Variants in LATS2 observed in about 807,000 individuals in gnomAD.
LATS2 encodes large tumor suppressor kinase 2, also known as serine/threonine-protein kinase LATS2.
LATS2 carries 24 observed loss-of-function variants against 76.0 expected under a neutral mutation model. The observed-to-expected ratio is 0.32, with a 90% CI of 0.23 to 0.44. The LOEUF (loss-of-function observed/expected upper bound fraction) is 0.44, where lower values mean the gene tolerates loss of function less well. Among genes scored for constraint, LATS2 ranks in the 20% least tolerant of loss-of-function variants. LATS2 has a pLI of 1.00. For missense variants in LATS2, 1,286 were observed against 1,481.2 expected (o/e 0.87, Z 2.16); for synonymous variants, 692 against 635.4 (o/e 1.09, Z -1.34).
intron 1 of LATS2, among the ~76,000 whole-genome samples, chr13:21,054,423 T>TTATA (rs1307773735): frequency 3.3e-5 from 5 of 151,832 alleles, no homozygotes; most frequent in Non-Finnish European, 5.9e-5. Flanking sequence ...GAAAAAAAAT[T>TTATA]TAAATAAATA....
chr13:21,005,977 G>C lies in LATS2; in HGVS notation c.343-14573C>G, dbSNP rs550765751. ...AAAAATACAAAATTAGCCGGGAGTG[G>C]TGGCGCATGTCTGTAATCGAGTGGT... On this transcript the variant is annotated intron_variant, in intron 2 of 7. Transcript: ENST00000382592. Among the ~76,000 whole-genome samples, 79 of 151,892 alleles carry C rather than the reference G, an allele frequency of 5.2e-4. 1 individual carries two copies. Among genetic ancestry groups the C allele is most frequent in the African/African-American group, 1.9e-3 (78 of 41,424 alleles).
At chr13:21,041,264 G>A (rs1289243027) in intron 2 of LATS2, among the ~76,000 whole-genome samples, 3 of 151,948 alleles carry the variant, frequency 2.0e-5, no homozygotes, top group Non-Finnish European at 4.4e-5. Flanking sequence ...GAGCCACCGC[G>A]CCTGGCCCAC....
intron 1 of LATS2, among the ~76,000 whole-genome samples, chr13:21,055,930 C>T (rs919928645): frequency 6.6e-6 from 1 of 152,222 alleles, no homozygotes; most frequent in Non-Finnish European, 1.5e-5. Flanking sequence ...AGCCAGGAAG[C>T]CACAGGCCAA....
chr13:20,999,148 G>A (rs574406084), intron 2 of LATS2, among the ~76,000 whole-genome samples: 2 of 152,386 alleles, frequency 1.3e-5, no homozygotes, highest in East Asian at 3.9e-4. Flanking sequence ...GAGGACAAAT[G>A]GAAGTAGTGG....
At chr13:21,048,586 C>T (rs1565965895) in intron 1 of LATS2, among the ~76,000 whole-genome samples, 1 of 152,154 alleles carries the variant, frequency 6.6e-6, no homozygotes. Flanking sequence ...ATCCCAGCCA[C>T]TTTGGGAGGT....
intron 1 of LATS2, among the ~76,000 whole-genome samples, chr13:21,054,045 G>A (rs536476041): frequency 6.6e-6 from 1 of 152,232 alleles, no homozygotes; most frequent in East Asian, 1.9e-4. Flanking sequence ...ACTTAAGAAT[G>A]GTTAAAAGGA....
At position 20,983,219 on chromosome 13, in the gene LATS2, A is replaced by C; in HGVS notation, c.2482+5T>G. On this transcript the variant is annotated splice_donor_5th_base_variant and intron_variant, in intron 5 of 7. Transcript: ENST00000382592. ...AAAGTGCATGTGGCACACTTCAGAC[A>C]ATACCTTTCTGGTAATATTTGGAAT... The C allele has an allele frequency of 1.2e-6, 2 of 1,601,288 alleles. No homozygotes were observed. The highest frequency in any genetic ancestry group is 2.2e-5 in the East Asian group (1 of 44,792).
In LATS2 at chr13:21,045,989, C is replaced by A. The variant is rs775353796; in HGVS notation, c.38G>T (p.Gly13Val). ...PKTFPATTYS[G>V]NSRQRLQEIR... The stretch of plus-strand genomic sequence containing the variant: ...CTCTTGCAGTCGCTGCCGGCTATTT[C>A]CAGAATAAGTCGTGGCAGGAAAAGT... Residue 13 changes from glycine to valine, a missense_variant, in exon 2 of 8, where the codon GGA (glycine) becomes GTA (valine). Transcript: ENST00000382592. 6.2e-7 allele frequency: 1 copy of A among 1,613,972 alleles called. No homozygotes were observed. Among genetic ancestry groups the A allele is most frequent in the Non-Finnish European group, 8.5e-7 (1 of 1,179,940 alleles).
chr13:20,998,704 G>C (rs113495941), intron 2 of LATS2, among the ~76,000 whole-genome samples: 5 of 152,350 alleles, frequency 3.3e-5, no homozygotes, highest in African/African-American at 1.2e-4. Context: ...CGCTCCCGGC[G>C]ATCTTGGGCA....
At chr13:21,050,684 C>G (rs1270553707) in intron 1 of LATS2, among the ~76,000 whole-genome samples, 1 of 152,232 alleles carries the variant, frequency 6.6e-6, no homozygotes, top group Non-Finnish European at 1.5e-5. Context: ...GTTGCCATGG[C>G]TCCAGGCCCA....
At position 20,973,413 on chromosome 13, in the gene LATS2, G is replaced by C. The variant is rs954753794; in HGVS notation, c.*1457C>G. The stretch of plus-strand genomic sequence containing the variant: ...ATATAATGAAAATTATGAAGCATCA[G>C]ATTTTTTAAAAAGCAAAAAAGAATT... On this transcript the variant is annotated 3_prime_UTR_variant, in exon 8 of 8. Coordinates refer to ENST00000382592, the MANE Select transcript of LATS2 (RefSeq NM_014572.3). The C allele has an allele frequency of 8.6e-6, 2 of 231,878 alleles. No individual in the cohort carries two copies. Among genetic ancestry groups the C allele is most frequent in the Middle Eastern group, 1.3e-3 (1 of 794 alleles). The allele number at this position is 231,878 out of a possible 1,614,324, so 14.4% of individuals were successfully genotyped here.
chr13:20,996,037 T>C (rs1400011675), intron 2 of LATS2, among the ~76,000 whole-genome samples: 1 of 152,188 alleles, frequency 6.6e-6, no homozygotes, highest in East Asian at 1.9e-4. Context: ...TAATGTCTCA[T>C]AGAAAAAGGA....
intron 2 of LATS2, among the ~76,000 whole-genome samples, chr13:21,036,156 G>A (rs149115314): frequency 0.015 from 2,301 of 152,004 alleles, 77 homozygotes; most frequent in African/African-American, 0.053. Context: ...TCAGCCTCCC[G>A]AAGTGCTGGG....
At chr13:21,012,699 C>T (rs562552756) in intron 2 of LATS2, among the ~76,000 whole-genome samples, 3 of 151,870 alleles carry the variant, frequency 2.0e-5, no homozygotes, top group Admixed American at 6.6e-5. Context: ...TTTAAGGGAA[C>T]GAGCAGAAAG....
At chr13:20,995,937 C>T (rs922320773) in intron 2 of LATS2, among the ~76,000 whole-genome samples, 17 of 152,304 alleles carry the variant, frequency 1.1e-4, no homozygotes, top group African/African-American at 3.1e-4. Flanking sequence ...CACCTAGCCA[C>T]GTGCAACAAG....
In LATS2 at chr13:20,973,431, A is replaced by G; in HGVS notation, c.*1439T>C. 1 of 232,364 alleles carries G rather than the reference A, an allele frequency of 4.3e-6. No homozygotes were observed. Among genetic ancestry groups the G allele is most frequent in the Non-Finnish European group, 8.5e-6 (1 of 117,338 alleles). The allele number at this position is 232,364 out of a possible 1,614,324, so 14.4% of individuals were successfully genotyped here. ...AGCATCAGATTTTTTAAAAAGCAAA[A>G]AAGAATTGAACTTTTTACTCAAATA... On this transcript the variant is annotated 3_prime_UTR_variant, in exon 8 of 8. Coordinates refer to ENST00000382592, the MANE Select transcript of LATS2 (RefSeq NM_014572.3).
intron 2 of LATS2, among the ~76,000 whole-genome samples, chr13:21,001,732 C>A (rs1383249152): frequency 6.6e-6 from 1 of 151,872 alleles, no homozygotes; most frequent in Non-Finnish European, 1.5e-5. Flanking sequence ...AAATAATAAG[C>A]CATTATTTCA....
chr13:20,997,879 A>C (rs1203053203), intron 2 of LATS2, among the ~76,000 whole-genome samples: 1 of 152,248 alleles, frequency 6.6e-6, no homozygotes, highest in Non-Finnish European at 1.5e-5. Context: ...TGAGGGAAGG[A>C]ATTTCCTATG....
chr13:21,014,130 T>C (rs1871706130), intron 2 of LATS2, among the ~76,000 whole-genome samples: 1 of 151,878 alleles, frequency 6.6e-6, no homozygotes, highest in Non-Finnish European at 1.5e-5. Flanking sequence ...GAAAAACAGA[T>C]AAAAGTATTT....
Sources: allele counts gnomAD v4.1 joint callset (sites outside exome capture counted in the v4.1 genomes callset), GRCh38; gene constraint gnomAD v4.1.1; transcripts MANE v1.5; gene names NCBI Gene and HGNC (gene_info 2026-07-23, HGNC 2026-07-21).